PARG: variants seen among roughly 807,000 people sequenced by gnomAD.
The protein encoded by PARG is poly(ADP-ribose) glycohydrolase, also known as mitochondrial poly(ADP-ribose) glycohydrolase.
Under a neutral mutation model 113.0 loss-of-function variants are expected in PARG, and 35 were observed. That is an observed-to-expected ratio of 0.31 (90% CI 0.24 to 0.41). PARG has a LOEUF of 0.41. Ranked by LOEUF, PARG falls within the 10% of genes least tolerant of loss-of-function variation. The pLI is 1.00. For missense variants in PARG, 797 were observed against 1,169.4 expected (o/e 0.68, Z 4.64); for synonymous variants, 330 against 409.9 (o/e 0.81, Z 2.36).
intron 4 of PARG, among the ~76,000 whole-genome samples, chr10:49,926,073 C>G (rs1554850512): frequency 6.6e-6 from 1 of 152,054 alleles, no homozygotes. Flanking sequence ...TGAAAGAAAG[C>G]GGAGAGGAAA....
At chr10:49,936,751 T>C (rs1357615839) in intron 1 of PARG, among the ~76,000 whole-genome samples, 7 of 152,120 alleles carry the variant, frequency 4.6e-5, no homozygotes, top group Admixed American at 1.3e-4. Context: ...TAAAACACCA[T>C]ATGGAGCAAA....
intron 1 of PARG, among the ~76,000 whole-genome samples, 191 bp from the exon 2 acceptor site, chr10:49,935,333 G>A (rs1426672187): frequency 6.6e-6 from 1 of 152,176 alleles, no homozygotes; most frequent in Non-Finnish European, 1.5e-5. Flanking sequence ...GAAAATGACT[G>A]GTGCCTAAAA....
intron 4 of PARG, among the ~76,000 whole-genome samples, chr10:49,923,091 AAAC>A (rs1554849764): frequency 6.6e-6 from 1 of 151,788 alleles, no homozygotes; most frequent in Admixed American, 6.5e-5. Context: ...AACAAATCTT[AAAC>A]AACACTTAAA....
Position 49,819,311 on chromosome 10 carries a change from G to A in PARG, c.*29C>T. The A allele has an allele frequency of 6.5e-7, 1 of 1,538,844 alleles. No homozygotes were observed. Among genetic ancestry groups the A allele is most frequent in the Non-Finnish European group, 8.8e-7 (1 of 1,138,136 alleles). On this transcript the variant is annotated 3_prime_UTR_variant, in exon 18 of 18. Coordinates refer to ENST00000616448, the MANE Select transcript of PARG (RefSeq NM_003631.5). ...TCAAACAGGACGTCTCTGGTGGGAG[G>A]TGGGAGGAGATGCTATTCGCTCGGC...
In PARG at chr10:49,933,543, G is replaced by A; in HGVS notation, c.905C>T (p.Ser302Leu). 2 of 1,611,322 alleles carry A rather than the reference G, an allele frequency of 1.2e-6. No individual in the cohort carries two copies. Among genetic ancestry groups the A allele is most frequent in the Admixed American group, 1.7e-5 (1 of 59,964 alleles). ...TTTAGAATTATCCACATCCATCGGT[G>A]ACTCGGGTTCACTTTCCTTCTCAAA... ...PPFEKESEPE[S>L]PMDVDNSKNS... is the part of the protein sequence containing the mutation. The change falls in exon 3 of 18, where the codon TCA becomes TTA. Residue 302 changes from serine (S) to leucine (L), a missense_variant. Coordinates refer to ENST00000616448, the MANE Select transcript of PARG (RefSeq NM_003631.5).
chr10:49,907,438 T>C (rs1588972134), intron 7 of PARG, among the ~76,000 whole-genome samples: 1 of 152,234 alleles, frequency 6.6e-6, no homozygotes, highest in South Asian at 2.1e-4. Flanking sequence ...CAGCACCCCC[T>C]CATATAAAAG....
intron 4 of PARG, among the ~76,000 whole-genome samples, chr10:49,923,161 G>A (rs1837977890): frequency 6.6e-6 from 1 of 151,906 alleles, no homozygotes; most frequent in African/African-American, 2.4e-5. Flanking sequence ...ACATACTACT[G>A]TGGCCTCTCT....
At chr10:49,936,880 A>C (rs1838771290) in intron 1 of PARG, among the ~76,000 whole-genome samples, 1 of 152,210 alleles carries the variant, frequency 6.6e-6, no homozygotes, top group East Asian at 1.9e-4. Flanking sequence ...CAATTGCTAT[A>C]TAATCTTTAC....
At chr10:49,915,814 T>G in intron 7 of PARG, 103 bp downstream of exon 7, 1 of 660,556 alleles carries the variant, frequency 1.5e-6, no homozygotes, top group Non-Finnish European at 2.7e-6. Context: ...TTTATAAAAC[T>G]AAAAGATAAT....
intron 7 of PARG, among the ~76,000 whole-genome samples, chr10:49,898,231 T>C (rs1171318424): frequency 1.3e-5 from 2 of 152,284 alleles, no homozygotes; most frequent in Non-Finnish European, 2.9e-5. Context: ...AGCTTTCAGA[T>C]ATAATAGTGT....
At chr10:49,931,931 T>C (rs1838506002) in intron 4 of PARG, among the ~76,000 whole-genome samples, 169 bp downstream of exon 4, 1 of 152,268 alleles carries the variant, frequency 6.6e-6, no homozygotes. Context: ...TTAAGTTCTA[T>C]ACTAAGTAAG....
At chr10:49,928,226 A>T (rs1212435351) in intron 4 of PARG, among the ~76,000 whole-genome samples, 1 of 151,670 alleles carries the variant, frequency 6.6e-6, no homozygotes, top group Non-Finnish European at 1.5e-5. Context: ...AGCCGAGATC[A>T]CACCACTGCA....
intron 1 of PARG, among the ~76,000 whole-genome samples, chr10:49,937,109 C>G (rs1205210114): frequency 5.9e-5 from 9 of 152,290 alleles, no homozygotes; most frequent in Non-Finnish European, 1.2e-4. Flanking sequence ...CCATTTGATT[C>G]TGAAACTTTT....
At chr10:49,821,400 G>C (rs1554828597) in intron 16 of PARG, among the ~76,000 whole-genome samples, 1 of 152,132 alleles carries the variant, frequency 6.6e-6, no homozygotes, top group South Asian at 2.1e-4. Flanking sequence ...TATTTTTTGA[G>C]ATGGAGTCTT....
At chr10:49,882,320 A>C (rs1847255000) in intron 8 of PARG, among the ~76,000 whole-genome samples, 2 of 150,844 alleles carry the variant, frequency 1.3e-5, no homozygotes, top group Admixed American at 6.6e-5. Flanking sequence ...ATAAATCTAA[A>C]ATTTACCCTT....
At chr10:49,828,426 G>A (rs1032030679) in intron 16 of PARG, among the ~76,000 whole-genome samples, 2 of 152,154 alleles carry the variant, frequency 1.3e-5, no homozygotes, top group South Asian at 4.1e-4. Flanking sequence ...GCACTGGCTC[G>A]AAAGCTTTCA....
At chr10:49,835,651 G>C (rs1333486234) in intron 15 of PARG, among the ~76,000 whole-genome samples, 1 of 152,000 alleles carries the variant, frequency 6.6e-6, no homozygotes, top group Non-Finnish European at 1.5e-5. Flanking sequence ...ACGGAAAAGA[G>C]ACCAAACAAA....
chr10:49,939,500 A>T (rs1379278963), intron 1 of PARG, among the ~76,000 whole-genome samples: 1 of 152,266 alleles, frequency 6.6e-6, no homozygotes, highest in Non-Finnish European at 1.5e-5. Context: ...TGTACTGGAT[A>T]AAATTTATGC....
chr10:49,918,388 T>C lies in PARG; in HGVS notation c.1663-2397A>G, dbSNP rs3106102. On this transcript the variant is annotated intron_variant, in intron 6 of 17. Coordinates refer to ENST00000616448, the MANE Select transcript of PARG (RefSeq NM_003631.5). ...TTATAATTAGCATTAAGCTTTAGCTTGTATTTATTTTTACTTCAGTCTTCA... is the reference window on the plus strand; with the variant it reads ...TTATAATTAGCATTAAGCTTTAGCTCGTATTTATTTTTACTTCAGTCTTCA... Among the ~76,000 whole-genome samples the C allele has an allele frequency of 2.6e-5, 4 of 152,220 alleles. No homozygotes were observed. In the East Asian group the frequency reaches 7.7e-4, roughly 29 times the overall value.
Sources: gnomAD v4.1 joint callset for allele counts (sites outside exome capture counted in the v4.1 genomes callset) on GRCh38, gnomAD v4.1.1 for gene constraint, MANE v1.5 for transcripts, NCBI Gene and HGNC (gene_info 2026-07-23, HGNC 2026-07-21) for gene names.